Variants in UHRF1 observed in about 807,000 individuals in gnomAD.
The protein encoded by UHRF1 is ubiquitin like with PHD and ring finger domains 1.
A neutral mutation model predicts 96.5 loss-of-function variants in UHRF1; 9 were observed. That is an observed-to-expected ratio of 0.09 (90% CI 0.06 to 0.16). The LOEUF (loss-of-function observed/expected upper bound fraction) is 0.16. UHRF1 is among the 10% of genes least tolerant of loss of function. The pLI, the probability that UHRF1 is intolerant of heterozygous loss-of-function variation, is 1.00. For synonymous variants in UHRF1, 455 were observed against 469.9 expected (o/e 0.97, Z 0.41); for missense variants, 626 against 1,131.1 (o/e 0.55, Z 6.40).
intron 10 of UHRF1, 125 bp downstream of exon 10, chr19:4,946,090 A>G: frequency 1.5e-6 from 1 of 682,786 alleles, no homozygotes. Flanking sequence ...GGCGTGAAGT[A>G]TATTCCCATT....
intron 16 of UHRF1, among the ~76,000 whole-genome samples, chr19:4,958,924 T>C (rs1197453237): frequency 6.7e-6 from 1 of 149,606 alleles, no homozygotes; most frequent in Non-Finnish European, 1.5e-5. Context: ...ATCGCGCCAT[T>C]GTACTCCAGC....
chr19:4,950,326 C>G (rs2033682915), intron 11 of UHRF1, among the ~76,000 whole-genome samples: 1 of 151,834 alleles, frequency 6.6e-6, no homozygotes. Context: ...TCACTGCAAC[C>G]TCTGCCTCCC....
intron 5 of UHRF1, 91 bp downstream of exon 5, chr19:4,933,047 C>G (rs2033106659): frequency 1.4e-6 from 2 of 1,401,500 alleles, no homozygotes; most frequent in Non-Finnish European, 9.6e-7. Flanking sequence ...CCAGCCAGCG[C>G]TGTGTGTGCG....
chr19:4,909,739 AG>A (rs1441542618), intron 1 of UHRF1, 84 bp downstream of exon 1: 5 of 488,128 alleles, frequency 1.0e-5, no homozygotes, highest in Non-Finnish European at 1.8e-5. Context: ...CCGCGCGGCC[AG>A]CCCGGGCGCA....
chr19:4,928,722 T>A (rs2032949986), intron 2 of UHRF1, among the ~76,000 whole-genome samples: 1 of 152,168 alleles, frequency 6.6e-6, no homozygotes. Context: ...TCCTGGGCAC[T>A]GCAGGGTGCC....
intron 9 of UHRF1, among the ~76,000 whole-genome samples, chr19:4,944,957 G>C (rs11085108): frequency 0.21 from 31,974 of 152,162 alleles, 4,210 homozygotes; most frequent in East Asian, 0.58. Flanking sequence ...GTCCTCCCAA[G>C]TCATGACAAC....
intron 10 of UHRF1, 24 bp downstream of exon 10, chr19:4,945,989 G>T: frequency 1.6e-6 from 2 of 1,261,040 alleles, no homozygotes; most frequent in South Asian, 1.3e-5. Flanking sequence ...TGGGAGGGGT[G>T]GGGGAGGGTT....
chr19:4,928,097 A>G (rs1335346995), intron 2 of UHRF1, among the ~76,000 whole-genome samples: 1 of 151,844 alleles, frequency 6.6e-6, no homozygotes, highest in Non-Finnish European at 1.5e-5. Flanking sequence ...ACCCAGGGTG[A>G]CTTCACACCC....
At chr19:4,942,082 G>A (rs1039139408) in intron 7 of UHRF1, among the ~76,000 whole-genome samples, 151 bp downstream of exon 7, 2 of 152,230 alleles carry the variant, frequency 1.3e-5, no homozygotes, top group Non-Finnish European at 2.9e-5. Flanking sequence ...GATCACTTGA[G>A]CTCAGGAGTT....
At chr19:4,925,670 C>G (rs1214219082) in intron 2 of UHRF1, among the ~76,000 whole-genome samples, 1 of 150,882 alleles carries the variant, frequency 6.6e-6, no homozygotes, top group African/African-American at 2.4e-5. Context: ...TACAGGCACC[C>G]GCCACCACGC....
chr19:4,947,488 A>ATATTTTTTTTTTTTTTT (rs1568427975), intron 11 of UHRF1, among the ~76,000 whole-genome samples: 1 of 70,372 alleles, frequency 1.4e-5, no homozygotes, highest in Non-Finnish European at 2.8e-5. Flanking sequence ...GATAATAGAT[A>ATATTTTTTTTTTTTTTT]TCTTTTTTTT....
intron 15 of UHRF1, among the ~76,000 whole-genome samples, chr19:4,956,485 C>A (rs1164551865): frequency 1.3e-5 from 2 of 152,236 alleles, no homozygotes; most frequent in African/African-American, 4.8e-5. Flanking sequence ...GGCTCCGCCT[C>A]ATCCTCCCCA....
At position 4,930,826 on chromosome 19, in the gene UHRF1, G is replaced by A. The variant is rs2307205; in HGVS notation, c.519G>A (p.Thr173=). ...CCCGGGACGAGCCCTGCAGCTCCAC[G>A]TCCAGGCCGGCGCTGGAGGAGGACG... ...APSRDEPCSS[T]SRPALEEDVI... is the part of the protein sequence containing the mutation. Residue 173 remains threonine, a synonymous_variant, in exon 4 of 17, where the codon ACG becomes ACA. Coordinates refer to ENST00000650932, the MANE Select transcript of UHRF1 (RefSeq NM_001048201.3). The surrounding 1 kb of genome is among the most constrained non-coding windows in gnomAD (Gnocchi z 4.4). 0.051 allele frequency: 81,796 copies of A among 1,613,932 alleles called. 2,544 individuals are homozygous for A. The highest frequency in any genetic ancestry group is 0.061 in the Non-Finnish European group (72,029 of 1,179,860).
upstream of UHRF1, among the ~76,000 whole-genome samples, chr19:4,907,796 T>A (rs1260413221): frequency 7.1e-6 from 1 of 140,362 alleles, no homozygotes; most frequent in East Asian, 2.3e-4. Flanking sequence ...CACCACAACC[T>A]CTGCCTCCTG....
At chr19:4,913,235 T>G (rs970521187) in intron 2 of UHRF1, among the ~76,000 whole-genome samples, 2 of 149,242 alleles carry the variant, frequency 1.3e-5, no homozygotes, top group African/African-American at 5.0e-5. Flanking sequence ...GTATGTTAAT[T>G]AGACATGTAC....
chr19:4,931,281 T>A (rs536472544), intron 4 of UHRF1, among the ~76,000 whole-genome samples: 2 of 152,258 alleles, frequency 1.3e-5, no homozygotes, highest in East Asian at 3.9e-4. Flanking sequence ...GGTGGCTGCG[T>A]CTGTCCGTGC....
chr19:4,946,061 T>A, intron 10 of UHRF1, 96 bp downstream of exon 10: 1 of 940,936 alleles, frequency 1.1e-6, no homozygotes, highest in Non-Finnish European at 1.6e-6. Flanking sequence ...TAGCCGTTTT[T>A]AAATGCTTGG....
At position 4,909,553 on chromosome 19, in the gene UHRF1, G is replaced by A. The variant is rs1360696000; in HGVS notation, c.-113G>A. 3.0e-6 allele frequency: 2 copies of A among 658,888 alleles called. No individual in the cohort carries two copies. Among genetic ancestry groups the A allele is most frequent in the East Asian group, 3.2e-5 (1 of 31,184 alleles). The allele number at this position is 658,888 out of a possible 1,614,324, so 40.8% of individuals were successfully genotyped here. A position where few individuals can be genotyped will look rare whatever the true frequency, so the allele number is the denominator to read the frequency against. On this transcript the variant is annotated 5_prime_UTR_variant, in exon 1 of 17. Transcript: ENST00000650932. ...GTTTGCCGAGCGGGCGCTCCGGGTC[G>A]CACGCAAGTCCGCGCGGGGTCCGGG...
At chr19:4,942,015 G>A in intron 7 of UHRF1, 84 bp downstream of exon 7, 2 of 1,361,662 alleles carry the variant, frequency 1.5e-6, no homozygotes, top group Non-Finnish European at 9.6e-7. Flanking sequence ...ACAGGAGAGG[G>A]GCAGGCGCGG....
Sources: gnomAD v4.1 joint callset for allele counts (sites outside exome capture counted in the v4.1 genomes callset) on GRCh38, gnomAD v4.1.1 for gene constraint, Gnocchi (gnomAD v3.1) non-coding constraint, MANE v1.5 for transcripts, NCBI Gene and HGNC (gene_info 2026-07-23, HGNC 2026-07-21) for gene names.